Variants in GGACT observed in about 807,000 individuals in gnomAD.
GGACT encodes gamma-glutamylamine cyclotransferase, also known as gamma-glutamylaminecyclotransferase.
For missense variants in GGACT, 241 were observed against 233.2 expected (o/e 1.03, Z -0.22); for synonymous variants, 118 against 115.3 (o/e 1.02, Z -0.15).
At chr13:100,553,968 T>C (rs2153014508) in intron 2 of GGACT, among the ~76,000 whole-genome samples, 1 of 151,912 alleles carries the variant, frequency 6.6e-6, no homozygotes, top group South Asian at 2.1e-4. Flanking sequence ...AAATGTACAC[T>C]AAGCCTTAAA....
chr13:100,531,450 C>G lies in GGACT; in HGVS notation c.*680G>C, dbSNP rs2088377079. Reference sequence around the variant, plus strand: ...CCGGGCGCTCAGCTGTGTCTACCAGCAAGTGGGTGTTCATTATTTTGCTAG... The same window carrying G: ...CCGGGCGCTCAGCTGTGTCTACCAGGAAGTGGGTGTTCATTATTTTGCTAG... On this transcript the variant is annotated 3_prime_UTR_variant, in exon 3 of 3. Transcript: ENST00000683975. The G allele has an allele frequency of 6.6e-6, 1 of 152,172 alleles. No homozygotes were observed. Among genetic ancestry groups the G allele is most frequent in the Non-Finnish European group, 1.5e-5 (1 of 68,034 alleles). The allele number at this position is 152,172 out of a possible 1,614,324, so 9.4% of individuals were successfully genotyped here.
intron 2 of GGACT, chr13:100,539,674 GT>G (rs1355801616): frequency 2.2e-5 from 12 of 534,816 alleles, no homozygotes; most frequent in East Asian, 1.2e-4. Flanking sequence ...CTTTCTTGGA[GT>G]GTCTTTGGCC....
At chr13:100,552,423 G>A (rs2088672742) in intron 2 of GGACT, among the ~76,000 whole-genome samples, 1 of 152,142 alleles carries the variant, frequency 6.6e-6, no homozygotes, top group African/African-American at 2.4e-5. Context: ...GGTCAACTAG[G>A]AGAAACAGAC....
intron 2 of GGACT, among the ~76,000 whole-genome samples, chr13:100,573,165 C>G (rs1875137699): frequency 6.6e-6 from 1 of 152,182 alleles, no homozygotes; most frequent in Non-Finnish European, 1.5e-5. Flanking sequence ...TTGACACCCA[C>G]AGTCCACTGG....
intron 1 of GGACT, among the ~76,000 whole-genome samples, 167 bp from the exon 2 acceptor site, chr13:100,584,164 G>A (rs750994228): frequency 1.3e-5 from 2 of 152,208 alleles, no homozygotes; most frequent in Non-Finnish European, 2.9e-5. Context: ...CAAAAATGCA[G>A]TCCACATGCT....
intron 2 of GGACT, among the ~76,000 whole-genome samples, chr13:100,563,745 C>A (rs1028114921): frequency 6.6e-6 from 1 of 152,204 alleles, no homozygotes; most frequent in African/African-American, 2.4e-5. Context: ...AGGGTTTGTT[C>A]AGCATGTCAT....
At chr13:100,556,718 T>A (rs140738598) in intron 2 of GGACT, among the ~76,000 whole-genome samples, 1 of 152,194 alleles carries the variant, frequency 6.6e-6, no homozygotes, top group South Asian at 2.1e-4. Context: ...CCATTCTCCA[T>A]GATGTGCGTA....
At chr13:100,582,577 G>A (rs191767958) in intron 2 of GGACT, among the ~76,000 whole-genome samples, 1 of 152,314 alleles carries the variant, frequency 6.6e-6, no homozygotes, top group East Asian at 1.9e-4. Context: ...CCCTGGATCA[G>A]ATCAGACAGA....
intron 2 of GGACT, among the ~76,000 whole-genome samples, chr13:100,542,448 C>A (rs1465516842): frequency 6.6e-6 from 1 of 152,192 alleles, no homozygotes; most frequent in African/African-American, 2.4e-5. Context: ...CCCTCGTGCA[C>A]GGATTTCCTC....
chr13:100,532,140 T>TC lies in GGACT; in HGVS notation c.451dup (p.Glu151GlyfsTer39), dbSNP rs1390583654. On this transcript the variant is annotated frameshift_variant, in exon 3 of 3. Transcript: ENST00000683975. LOFTEE classifies it high-confidence loss of function. ...CCCTGCCCGTCCCCCTTATCTGTTC[T>TC]CCCGGGGGTTGTAGCGCAGCCCGTG... 7 of 1,448,134 alleles carry TC rather than the reference T, an allele frequency of 4.8e-6. No individual in the cohort carries two copies. Among genetic ancestry groups the TC allele is most frequent in the East Asian group, 5.0e-5 (2 of 39,660 alleles). The allele number at this position is 1,448,134 out of a possible 1,614,324, so 89.7% of individuals were successfully genotyped here.
At chr13:100,551,708 G>C (rs1478184722) in intron 2 of GGACT, among the ~76,000 whole-genome samples, 1 of 152,212 alleles carries the variant, frequency 6.6e-6, no homozygotes, top group African/African-American at 2.4e-5. Flanking sequence ...GGGCACAGCT[G>C]CCCAAAGAAG....
At chr13:100,584,023 G>T (rs1166950484) in intron 1 of GGACT, 26 bp from the exon 2 acceptor site, 3 of 152,204 alleles carry the variant, frequency 2.0e-5, no homozygotes, top group African/African-American at 7.2e-5. Context: ...ATAAGAGGAA[G>T]TCAACTGAAG....
intron 2 of GGACT, chr13:100,579,030 TA>T (rs1566539786): frequency 6.6e-6 from 1 of 152,162 alleles, no homozygotes; most frequent in Non-Finnish European, 1.5e-5. Flanking sequence ...TTCCTTACTC[TA>T]ATTTACTCTG....
chr13:100,582,053 A>G (rs142698084), intron 2 of GGACT, among the ~76,000 whole-genome samples: 2 of 152,324 alleles, frequency 1.3e-5, no homozygotes, highest in Non-Finnish European at 2.9e-5. Flanking sequence ...GAAATATTTT[A>G]TCTTGAACAA....
intron 2 of GGACT, among the ~76,000 whole-genome samples, chr13:100,567,524 G>A (rs1305314804): frequency 6.6e-6 from 1 of 152,158 alleles, no homozygotes; most frequent in Non-Finnish European, 1.5e-5. Flanking sequence ...TCTCCAAGGA[G>A]CTCTTGTTCT....
intron 2 of GGACT, among the ~76,000 whole-genome samples, chr13:100,549,333 G>A (rs192584286): frequency 2.0e-5 from 3 of 152,298 alleles, no homozygotes; most frequent in East Asian, 1.9e-4. Flanking sequence ...GTGAAACTCC[G>A]TCTCAATAAA....
At chr13:100,563,495 C>G (rs75079666) in intron 2 of GGACT, among the ~76,000 whole-genome samples, 1 of 152,098 alleles carries the variant, frequency 6.6e-6, no homozygotes, top group South Asian at 2.1e-4. Flanking sequence ...ATAAAAAAAC[C>G]TCTAAATTAA....
chr13:100,539,612 T>G, intron 2 of GGACT: 1 of 444,462 alleles, frequency 2.2e-6, no homozygotes, highest in Non-Finnish European at 3.9e-6. Context: ...TGCTAGTGTG[T>G]TGTTTAGGAT....
intron 2 of GGACT, among the ~76,000 whole-genome samples, chr13:100,552,680 G>T (rs1177220239): frequency 6.6e-6 from 1 of 152,182 alleles, no homozygotes; most frequent in East Asian, 1.9e-4. Context: ...AAGATCATCT[G>T]CCCAGTGCTC....
Sources: gnomAD v4.1 joint callset for allele counts (sites outside exome capture counted in the v4.1 genomes callset) on GRCh38, gnomAD v4.1.1 for gene constraint, MANE v1.5 for transcripts, NCBI Gene and HGNC (gene_info 2026-07-23, HGNC 2026-07-21) for gene names.